Variants in APOL2 observed in about 807,000 individuals in gnomAD.
APOL2 encodes apolipoprotein L2.
APOL2 carries 8 observed loss-of-function variants against 7.1 expected under a neutral mutation model. The ratio of observed to expected loss-of-function variants is 1.12; its 90% confidence interval spans 0.66 to 2.03. The LOEUF is 2.03. APOL2 is among the 30% of genes most tolerant of loss of function. The pLI is 0.00. For synonymous variants in APOL2, 177 were observed against 159.9 expected, an observed-to-expected ratio of 1.11 and a Z score of -0.81; for missense variants, 471 against 415.1, an observed-to-expected ratio of 1.13 and a Z score of -1.17.
Position 36,233,186 on chromosome 22 carries a change from G to A in APOL2, c.-24C>T, listed in dbSNP as rs1173826649. ...ATGGTGCCAGCGGCTGGGTTACCGA[G>A]GGGCTTTCCTTGGAGCTCTCCAGTC... On this transcript the variant is annotated 5_prime_UTR_variant, in exon 3 of 5. Transcript: ENST00000358502. 1 of 1,614,024 alleles carries A rather than the reference G, an allele frequency of 6.2e-7. No individual in the cohort carries two copies. Among genetic ancestry groups the A allele is most frequent in the African/African-American group, 1.3e-5 (1 of 74,906 alleles).
intron 1 of APOL2, chr22:36,236,522 G>A: frequency 3.1e-6 from 3 of 967,528 alleles, no homozygotes; most frequent in Non-Finnish European, 3.7e-6. Context: ...GACACTATAA[G>A]TAATAATGAT....
At chr22:36,237,213 G>A in intron 1 of APOL2, 1 of 1,395,232 alleles carries the variant, frequency 7.2e-7, no homozygotes. Context: ...CTCCATGGGT[G>A]AGCCTGCAGG....
chr22:36,227,730 C>T lies in APOL2; in HGVS notation c.688G>A (p.Ala230Thr), dbSNP rs2015061746. ...IGRNIRAIRRARANPQLGAYA... is the reference protein window; with the variant it reads ...IGRNIRAIRRTRANPQLGAYA... Reference sequence around the variant, plus strand: ...GCTCCTAACTGAGGGTTGGCTCTGGCTCGTCTGATGGCACGGATGTTCCTC... The same window carrying T: ...GCTCCTAACTGAGGGTTGGCTCTGGTTCGTCTGATGGCACGGATGTTCCTC... Residue 230 changes from alanine to threonine, a missense_variant, in exon 5 of 5, where the codon GCC becomes ACC. By Grantham distance (58) the Ala-to-Thr change is moderately conservative (BLOSUM62 0). Transcript: ENST00000358502. 6.2e-7 allele frequency: 1 copy of T among 1,614,242 alleles called. No homozygotes were observed. Among genetic ancestry groups the T allele is most frequent in the Non-Finnish European group, 8.5e-7 (1 of 1,180,050 alleles).
intron 1 of APOL2, among the ~76,000 whole-genome samples, chr22:36,238,639 C>A (rs917048881): frequency 1.3e-5 from 2 of 152,222 alleles, no homozygotes; most frequent in Admixed American, 1.3e-4. Flanking sequence ...ACTCACAATT[C>A]CACAGTGTGG....
At position 36,226,669 on chromosome 22, in the gene APOL2, G is replaced by C. The variant is rs887313354; in HGVS notation, c.*735C>G. 1.6e-4 allele frequency: 25 copies of C among 153,646 alleles called. No homozygotes were observed. The highest frequency in any genetic ancestry group is 5.8e-4 in the African/African-American group (24 of 41,342). 9.5% of individuals were successfully genotyped at this position (153,646 alleles called of 1,614,324 possible). ...TTGGAAGGACATCAAACCTGGGGGG[G>C]GGTCGGTAGTGGAGCTGCTGTTTCT... On this transcript the variant is annotated 3_prime_UTR_variant, in exon 5 of 5. Coordinates refer to ENST00000358502, the MANE Select transcript of APOL2 (RefSeq NM_030882.4).
intron 3 of APOL2, among the ~76,000 whole-genome samples, chr22:36,232,510 C>T (rs1055855251): frequency 6.6e-6 from 1 of 152,180 alleles, no homozygotes; most frequent in African/African-American, 2.4e-5. Context: ...TTGGCCAGGC[C>T]AGGTACCCTT....
In APOL2 at chr22:36,239,437, T is replaced by C. The variant is rs1267428278; in HGVS notation, c.-134+4A>G. ...GGGGGTAGATCACACTATCCCCAACTTACCAAGGGATCTTCCTCTGACAGA... is the reference window on the plus strand; with the variant it reads ...GGGGGTAGATCACACTATCCCCAACCTACCAAGGGATCTTCCTCTGACAGA... On this transcript the variant is annotated splice_donor_region_variant and intron_variant, in intron 1 of 4. Transcript: ENST00000358502. 1 of 1,545,634 alleles carries C rather than the reference T, an allele frequency of 6.5e-7. No individual in the cohort carries two copies. The highest frequency in any genetic ancestry group is 1.9e-5 in the Admixed American group (1 of 52,098).
Position 36,227,616 on chromosome 22 carries a change from T to G in APOL2, c.802A>C (p.Met268Leu). 3 of 1,614,236 alleles carry G rather than the reference T, an allele frequency of 1.9e-6. No individual in the cohort carries two copies. The highest frequency in any genetic ancestry group is 2.5e-6 in the Non-Finnish European group (3 of 1,180,030). Residue 268 changes from methionine to leucine, a missense_variant, in exon 5 of 5, where the codon ATG becomes CTG. Transcript: ENST00000358502. Reference sequence around the variant, plus strand: ...CCCACGATCATGGTTCCTCTGCTCATTGCCTGGGCGGGGCCTTCAACAACC... The same window carrying G: ...CCCACGATCATGGTTCCTCTGCTCAGTGCCTGGGCGGGGCCTTCAACAACC... Reference protein sequence around the residue: ...ERVVEGPAQAMSRGTMIVGAA... With the variant: ...ERVVEGPAQALSRGTMIVGAA...
In APOL2 at chr22:36,231,959, CTGA is replaced by C. The variant is rs376423729; in HGVS notation, c.11-496_11-494del. Among the ~76,000 whole-genome samples the C allele has an allele frequency of 4.6e-3, 693 of 152,290 alleles. 8 individuals are homozygous for C. The highest frequency in any genetic ancestry group is 0.016 in the African/African-American group (665 of 41,556). The stretch of plus-strand genomic sequence containing the variant: ...CTGAGCCTGTGCTTCTGCTTTGCAG[CTGA>C]TTTGTTTTTTCTTTGACTCAAATTT... On this transcript the variant is annotated intron_variant, in intron 3 of 4. Coordinates refer to ENST00000358502, the MANE Select transcript of APOL2 (RefSeq NM_030882.4).
At position 36,227,658 on chromosome 22, in the gene APOL2, CG is replaced by C; in HGVS notation, c.759del (p.Gly254ValfsTer15). 6.2e-7 allele frequency: 1 copy of C among 1,614,226 alleles called. No homozygotes were observed. The highest frequency in any genetic ancestry group is 8.5e-7 in the Non-Finnish European group (1 of 1,180,038). On this transcript the variant is annotated frameshift_variant, in exon 5 of 5. Coordinates refer to ENST00000358502, the MANE Select transcript of APOL2 (RefSeq NM_030882.4). LOFTEE classifies it low-confidence loss of function (END_TRUNC). ...TCAACAACCCTCTCAACCTGTTCACCGCCTTCAGCTGAGATTCGCCCAATGA... is the reference window on the plus strand; with the variant it reads ...TCAACAACCCTCTCAACCTGTTCACCCCTTCAGCTGAGATTCGCCCAATGA... ...PHVIGRISAE[G>X]GEQVERVVEG...
Position 36,227,257 on chromosome 22 carries a change from A to C in APOL2, c.*147T>G. On this transcript the variant is annotated 3_prime_UTR_variant, in exon 5 of 5. Coordinates refer to ENST00000358502, the MANE Select transcript of APOL2 (RefSeq NM_030882.4). ...TGTGAACCCGGGAGGCGGAGTTTGC[A>C]GTGAGCCGAGATTGAGCCACTGCAC... 1 of 969,206 alleles carries C rather than the reference A, an allele frequency of 1.0e-6. No individual in the cohort carries two copies. The highest frequency in any genetic ancestry group is 1.4e-6 in the Non-Finnish European group (1 of 696,428). 60.0% of individuals were successfully genotyped at this position (969,206 alleles called of 1,614,324 possible).
chr22:36,233,367 T>C lies in APOL2; in HGVS notation c.-80+35A>G, dbSNP rs780192606. The C allele has an allele frequency of 2.6e-6, 4 of 1,560,382 alleles. No individual in the cohort carries two copies. In the South Asian group the frequency reaches 3.5e-5, roughly 14 times the overall value. On this transcript the variant is annotated intron_variant, in intron 2 of 4. Coordinates refer to ENST00000358502, the MANE Select transcript of APOL2 (RefSeq NM_030882.4). ...GCAAATGTCCAGAGTGTTTATCTCCTGGGGCCCTGCCAGCTAGTATTTACA... is the reference window on the plus strand; with the variant it reads ...GCAAATGTCCAGAGTGTTTATCTCCCGGGGCCCTGCCAGCTAGTATTTACA...
chr22:36,237,465 T>C (rs904145782), intron 1 of APOL2: 14 of 938,778 alleles, frequency 1.5e-5, no homozygotes, highest in African/African-American at 1.7e-5. Context: ...CTGGAGTGCT[T>C]TGGGGCTATC....
At chr22:36,231,654 G>C (rs968601397) in intron 3 of APOL2, among the ~76,000 whole-genome samples, 188 bp from the exon 4 acceptor site, 6 of 152,136 alleles carry the variant, frequency 3.9e-5, no homozygotes, top group Non-Finnish European at 8.8e-5. Flanking sequence ...CTAAACTCGA[G>C]TGACTATATT....
chr22:36,227,626 G>A lies in APOL2; in HGVS notation c.792C>T (p.Pro264=), dbSNP rs144273001. Residue 264 remains proline, a synonymous_variant, in exon 5 of 5, where the codon CCC becomes CCT. Coordinates refer to ENST00000358502, the MANE Select transcript of APOL2 (RefSeq NM_030882.4). ...GEQVERVVEG[P]AQAMSRGTMI... ...TGGTTCCTCTGCTCATTGCCTGGGC[G>A]GGGCCTTCAACAACCCTCTCAACCT... 221 of 1,614,184 alleles carry A rather than the reference G, an allele frequency of 1.4e-4. 1 individual carries two copies. The African/African-American group carries it at 2.3e-3, about 17-fold the overall frequency.
intron 1 of APOL2, among the ~76,000 whole-genome samples, chr22:36,235,751 G>GT (rs536596820): frequency 0.34 from 34,311 of 102,418 alleles, 4,758 homozygotes; most frequent in Non-Finnish European, 0.41. Context: ...AAGGGTGGGT[G>GT]GGTGGGTGTG....
chr22:36,237,603 A>G (rs1004719691), intron 1 of APOL2, among the ~76,000 whole-genome samples: 1 of 146,536 alleles, frequency 6.8e-6, no homozygotes, highest in Non-Finnish European at 1.5e-5. Flanking sequence ...TCAGAGAGAC[A>G]GCATCTCCTG....
At chr22:36,233,963 T>G (rs529066898) in intron 1 of APOL2, among the ~76,000 whole-genome samples, 8 of 152,344 alleles carry the variant, frequency 5.3e-5, no homozygotes, top group African/African-American at 7.2e-5. Context: ...GTTGCTTCTC[T>G]AAGATTCTTT....
upstream of APOL2, chr22:36,239,749 G>C (rs1409042329): frequency 7.6e-6 from 4 of 528,930 alleles, no homozygotes; most frequent in Non-Finnish European, 1.4e-5. Context: ...ACATCCTCAG[G>C]ATTCAAGGTC....
Sources: gnomAD v4.1 joint callset for allele counts (sites outside exome capture counted in the v4.1 genomes callset) on GRCh38, gnomAD v4.1.1 for gene constraint, MANE v1.5 for transcripts, NCBI Gene and HGNC (gene_info 2026-07-23, HGNC 2026-07-21) for gene names.